RORA: variants seen among roughly 807,000 people sequenced by gnomAD.
The protein encoded by RORA is RAR related orphan receptor A.
Under a neutral mutation model 69.5 loss-of-function variants are expected in RORA, and 7 were observed. That is an observed-to-expected ratio of 0.10 (90% CI 0.06 to 0.19). RORA has a LOEUF of 0.19. Ranked by LOEUF, RORA falls within the 10% of genes least tolerant of loss-of-function variation. RORA has a pLI of 1.00. For synonymous variants in RORA, 261 were observed against 240.8 expected, an observed-to-expected ratio of 1.08 and a Z score of -0.78; for missense variants, 457 against 663.0, an observed-to-expected ratio of 0.69 and a Z score of 3.41.
intron 1 of RORA, among the ~76,000 whole-genome samples, chr15:61,014,480 T>A (rs1895210680): frequency 6.6e-6 from 1 of 152,216 alleles, no homozygotes; most frequent in Non-Finnish European, 1.5e-5. Flanking sequence ...GAACTTCAAC[T>A]TGCTTTTGAT....
At chr15:60,567,743 C>T (rs774748437) in intron 2 of RORA, among the ~76,000 whole-genome samples, 4 of 152,158 alleles carry the variant, frequency 2.6e-5, no homozygotes, top group Non-Finnish European at 4.4e-5. Context: ...AATAATTCTA[C>T]CATTGCATGA....
chr15:60,896,479 C>G (rs1447123077), intron 1 of RORA, among the ~76,000 whole-genome samples: 2 of 152,204 alleles, frequency 1.3e-5, no homozygotes, highest in African/African-American at 4.8e-5. Context: ...GATACCCACA[C>G]AGGAAGTCTT....
rs1205196893 is a variant in RORA, at chr15:60,491,108, G to A, written c.*6347C>T. The A allele has an allele frequency of 1.3e-5, 2 of 152,140 alleles. No individual in the cohort carries two copies. The highest frequency in any genetic ancestry group is 4.1e-4 in the South Asian group (2 of 4,832). 9.4% of individuals were successfully genotyped at this position (152,140 alleles called of 1,614,324 possible). On this transcript the variant is annotated 3_prime_UTR_variant, in exon 11 of 11. Coordinates refer to ENST00000335670, the MANE Select transcript of RORA (RefSeq NM_134261.3). ...AGGAGAATTTTGGATTCAGGAAGAT[G>A]TATACAGTACATATGGATTTTTTTT...
At chr15:60,635,613 T>A (rs2069820557) in intron 2 of RORA, among the ~76,000 whole-genome samples, 1 of 152,154 alleles carries the variant, frequency 6.6e-6, no homozygotes, top group African/African-American at 2.4e-5. Flanking sequence ...AACTCCAAGA[T>A]GTAAAGGGAA....
intron 1 of RORA, among the ~76,000 whole-genome samples, chr15:61,183,637 CTCTT>C (rs1424659656): frequency 2.6e-5 from 4 of 152,028 alleles, no homozygotes; most frequent in East Asian, 1.9e-4. Flanking sequence ...TCATATATCA[CTCTT>C]TCTTTCAAAA....
At chr15:60,768,835 G>T (rs1343754206) in intron 1 of RORA, among the ~76,000 whole-genome samples, 2 of 152,204 alleles carry the variant, frequency 1.3e-5, no homozygotes, top group African/African-American at 4.8e-5. Flanking sequence ...TGGCAATGAT[G>T]TGTCTTCTCC....
intron 1 of RORA, among the ~76,000 whole-genome samples, chr15:60,882,664 CACACACAA>C (rs2073697533): frequency 6.6e-6 from 1 of 150,824 alleles, no homozygotes; most frequent in Non-Finnish European, 1.5e-5. Flanking sequence ...CACACACACA[CACACACAA>C]ACACACACAC....
chr15:61,041,551 A>G (rs1332487954), intron 1 of RORA, among the ~76,000 whole-genome samples: 3 of 151,954 alleles, frequency 2.0e-5, no homozygotes, highest in South Asian at 4.1e-4. Flanking sequence ...ATTTTATTTT[A>G]TTCATTTATT....
intron 1 of RORA, among the ~76,000 whole-genome samples, chr15:60,885,685 T>C (rs2073742764): frequency 6.6e-6 from 1 of 152,226 alleles, no homozygotes; most frequent in African/African-American, 2.4e-5. Context: ...ACTTGTAGTC[T>C]TTACGGAATG....
chr15:60,644,773 G>C (rs2070008042), intron 2 of RORA, among the ~76,000 whole-genome samples: 1 of 152,150 alleles, frequency 6.6e-6, no homozygotes, highest in African/African-American at 2.4e-5. Flanking sequence ...AGGAAGTCCT[G>C]ACCAAGTAGC....
chr15:60,673,728 C>T (rs902955196), intron 2 of RORA, among the ~76,000 whole-genome samples: 1 of 152,184 alleles, frequency 6.6e-6, no homozygotes, highest in African/African-American at 2.4e-5. Context: ...TGATTATGCA[C>T]TTCTATCCCA....
rs558282583 is a variant in RORA at position 60,949,431 on chromosome 15, C to T, written c.167-270745G>A. On this transcript the variant is annotated intron_variant, in intron 1 of 10. Coordinates refer to ENST00000335670, the MANE Select transcript of RORA (RefSeq NM_134261.3). ...ATAAACTGCCCAAATCGTGTTCCCT[C>T]CCCACTCCATTCAGCGCCCAGTATC... 5.9e-5 allele frequency among the ~76,000 whole-genome samples: 9 copies of T among 152,250 alleles called. No individual in the cohort carries two copies. The South Asian group carries it at 1.2e-3, about 21-fold the overall frequency.
At chr15:61,020,172 G>A (rs1328138106) in intron 1 of RORA, among the ~76,000 whole-genome samples, 4 of 152,154 alleles carry the variant, frequency 2.6e-5, no homozygotes, top group Non-Finnish European at 5.9e-5. Flanking sequence ...AGTTTGAAAC[G>A]CTTCATATAT....
intron 3 of RORA, 58 bp from the exon 4 acceptor site, chr15:60,514,815 TA>T: frequency 7.1e-7 from 1 of 1,400,896 alleles, no homozygotes. Flanking sequence ...GGTATGATAC[TA>T]AAGGCAGGAT....
At chr15:60,694,366 CG>C (rs2070871928) in intron 1 of RORA, among the ~76,000 whole-genome samples, 1 of 152,178 alleles carries the variant, frequency 6.6e-6, no homozygotes, top group Non-Finnish European at 1.5e-5. Context: ...GCAAAAAGCA[CG>C]GAAGATGAGC....
In RORA at chr15:60,540,801, G is replaced by A. The variant is rs1453900249; in HGVS notation, c.197-8950C>T. Among the ~76,000 whole-genome samples the A allele has an allele frequency of 3.9e-5, 6 of 152,086 alleles. No individual in the cohort carries two copies. The South Asian group carries it at 8.3e-4, about 21-fold the overall frequency. On this transcript the variant is annotated intron_variant, in intron 2 of 10. Coordinates refer to ENST00000335670, the MANE Select transcript of RORA (RefSeq NM_134261.3). ...TAAACTGGATTCATGGTAAAAGATT[G>A]GAAATAACTTAGAACATTAAACCTT...
At chr15:60,703,049 A>ACT (rs2071006997) in intron 1 of RORA, among the ~76,000 whole-genome samples, 1 of 152,124 alleles carries the variant, frequency 6.6e-6, no homozygotes, top group African/African-American at 2.4e-5. Flanking sequence ...AGAGCAAGGG[A>ACT]ATAGATGAAC....
At chr15:61,200,964 C>T (rs983097160) in intron 1 of RORA, among the ~76,000 whole-genome samples, 21 of 152,146 alleles carry the variant, frequency 1.4e-4, no homozygotes, top group African/African-American at 4.8e-4. Flanking sequence ...AAGCGGAAGC[C>T]GACTTGTTTT....
chr15:61,113,614 G>C (rs1279329745), intron 1 of RORA, among the ~76,000 whole-genome samples: 1 of 152,192 alleles, frequency 6.6e-6, no homozygotes, highest in Non-Finnish European at 1.5e-5. Flanking sequence ...ACATTTTGCA[G>C]ACAGGGCCCT....
Sources: allele counts gnomAD v4.1 joint callset (sites outside exome capture counted in the v4.1 genomes callset), GRCh38; gene constraint gnomAD v4.1.1; transcripts MANE v1.5; gene names NCBI Gene and HGNC (gene_info 2026-07-23, HGNC 2026-07-21).